Variants in ERO1A observed in about 807,000 individuals in gnomAD.
ERO1A encodes the protein endoplasmic reticulum oxidoreductase 1 alpha, also known as ERO1-like protein alpha.
A neutral mutation model predicts 76.9 loss-of-function variants in ERO1A; 49 were observed. That is an observed-to-expected ratio of 0.64 (90% CI 0.51 to 0.81). The LOEUF is 0.81. ERO1A is among the 30% of genes least tolerant of loss of function. The pLI is 0.00. For missense variants in ERO1A, 448 were observed against 542.1 expected, an observed-to-expected ratio of 0.83 and a Z score of 1.72; for synonymous variants, 174 against 181.2, an observed-to-expected ratio of 0.96 and a Z score of 0.32.
chr14:52,643,843 AT>A (rs2039554290), intron 15 of ERO1A, among the ~76,000 whole-genome samples: 2 of 152,364 alleles, frequency 1.3e-5, no homozygotes, highest in African/African-American at 4.8e-5. Flanking sequence ...TTTTAAAAGT[AT>A]TTAAATACAT....
In ERO1A at chr14:52,682,326, G is replaced by A; in HGVS notation, c.317C>T (p.Ser106Phe). ...RRDCAVKPCQSDEVPDGIKSA... is the reference protein window; with the variant it reads ...RRDCAVKPCQFDEVPDGIKSA... ...TTTAAATGTATACATGGTTCTTACAGATTGACATGGTTTGACAGCACAGTC... is the reference window on the plus strand; with the variant it reads ...TTTAAATGTATACATGGTTCTTACAAATTGACATGGTTTGACAGCACAGTC... The change falls in exon 3 of 16, where the codon TCT becomes TTT. Residue 106 changes from serine to phenylalanine, a missense_variant and splice_region_variant. This residue lies in a region of ERO1A where 146 missense variants were observed against 130.2 expected (regional missense o/e 1.12). Transcript: ENST00000395686. The A allele has an allele frequency of 1.2e-6, 2 of 1,600,294 alleles. No homozygotes were observed. Among genetic ancestry groups the A allele is most frequent in the Non-Finnish European group, 1.7e-6 (2 of 1,170,252 alleles).
rs928705085 is a variant in ERO1A at position 52,642,172 on chromosome 14, T to G, written c.*1398A>C. The G allele has an allele frequency of 6.6e-6, 1 of 152,132 alleles. No homozygotes were observed. The highest frequency in any genetic ancestry group is 6.5e-5 in the Admixed American group (1 of 15,274). 9.4% of individuals were successfully genotyped at this position (152,132 alleles called of 1,614,324 possible). On this transcript the variant is annotated 3_prime_UTR_variant, in exon 16 of 16. Transcript: ENST00000395686. The stretch of plus-strand genomic sequence containing the variant: ...AGCTTTATAAATGAAGAGCTTCCAC[T>G]AATGAAAACCTCCCAAAATTACAGT...
rs199984563 is a variant in ERO1A, at chr14:52,695,357, A to T, written c.114+11T>A. ...GCCGGGACCCTCAGCACCAACGCGC[A>T]CATCGCTCACCTGGCAGAAGCACCT... is the stretch of plus-strand genomic sequence containing the variant. On this transcript the variant is annotated intron_variant, in intron 1 of 15. Transcript: ENST00000395686. 6.5e-5 allele frequency: 93 copies of T among 1,430,688 alleles called. No individual in the cohort carries two copies. In the East Asian group the frequency reaches 2.4e-3, roughly 37 times the overall value. The allele number at this position is 1,430,688 out of a possible 1,614,324, so 88.6% of individuals were successfully genotyped here.
chr14:52,643,502 G>T lies in ERO1A; in HGVS notation c.*68C>A. On this transcript the variant is annotated 3_prime_UTR_variant, in exon 16 of 16. Transcript: ENST00000395686. ...GGCTTAAGACTGTCATTGCTATTAT[G>T]CCTTTGAATGAAATTCCACTCTTTC... The T allele has an allele frequency of 2.9e-6, 3 of 1,025,028 alleles. No homozygotes were observed. The highest frequency in any genetic ancestry group is 1.7e-5 in the African/African-American group (1 of 58,266). 63.5% of individuals were successfully genotyped at this position (1,025,028 alleles called of 1,614,324 possible). A position where few individuals can be genotyped will look rare whatever the true frequency, so the allele number is the denominator to read the frequency against.
At chr14:52,669,785 T>C (rs574404055) in intron 6 of ERO1A, among the ~76,000 whole-genome samples, 1 of 152,276 alleles carries the variant, frequency 6.6e-6, no homozygotes, top group South Asian at 2.1e-4. Flanking sequence ...TACCAAAACA[T>C]GGCTACGGTT....
At chr14:52,689,511 A>G (rs917398465) in intron 1 of ERO1A, among the ~76,000 whole-genome samples, 4 of 152,196 alleles carry the variant, frequency 2.6e-5, no homozygotes, top group Non-Finnish European at 5.9e-5. Flanking sequence ...TCCAAAAAAA[A>G]ATTAAGAAAA....
chr14:52,677,403 C>A (rs919151917), intron 4 of ERO1A, among the ~76,000 whole-genome samples: 7 of 152,072 alleles, frequency 4.6e-5, no homozygotes, highest in African/African-American at 1.4e-4. Context: ...CACTGACGGA[C>A]AGTCTACAAA....
chr14:52,691,388 A>C (rs2041349348), intron 1 of ERO1A, among the ~76,000 whole-genome samples: 1 of 152,198 alleles, frequency 6.6e-6, no homozygotes, highest in Non-Finnish European at 1.5e-5. Context: ...ACTGGCAACC[A>C]TCAGGAAAAT....
chr14:52,644,908 C>G (rs972151966), intron 15 of ERO1A, among the ~76,000 whole-genome samples: 2 of 152,008 alleles, frequency 1.3e-5, no homozygotes, highest in African/African-American at 4.8e-5. Flanking sequence ...TTATTTCAAG[C>G]CCAAAATTGT....
At chr14:52,683,945 C>G (rs2041085403) in intron 1 of ERO1A, 38 bp from the exon 2 acceptor site, 1 of 1,516,744 alleles carries the variant, frequency 6.6e-7, no homozygotes, top group African/African-American at 1.4e-5. Context: ...TTGAAATGTC[C>G]TAAATGCAAC....
intron 8 of ERO1A, among the ~76,000 whole-genome samples, chr14:52,663,268 T>A (rs1210647238): frequency 6.6e-6 from 1 of 152,150 alleles, no homozygotes; most frequent in African/African-American, 2.4e-5. Context: ...CTAATCTTTA[T>A]TTTTTGATAA....
At position 52,671,825 on chromosome 14, in the gene ERO1A, T is replaced by G; in HGVS notation, c.404A>C (p.Glu135Ala). 6.2e-7 allele frequency: 1 copy of G among 1,609,116 alleles called. No homozygotes were observed. The highest frequency in any genetic ancestry group is 8.5e-7 in the Non-Finnish European group (1 of 1,177,818). ...AGATTCATCCACTGCTCCAAGTCGTTCAGCTTGTTCACATTCTTCAATGAG... is the reference window on the plus strand; with the variant it reads ...AGATTCATCCACTGCTCCAAGTCGTGCAGCTTGTTCACATTCTTCAATGAG... ...NNLIEECEQA[E>A]RLGAVDESLS... The change falls in exon 5 of 16, where the codon GAA (glutamate) becomes GCA (alanine). Residue 135 changes from glutamate (E) to alanine (A), a missense_variant. Glu to Ala is a moderately radical substitution (Grantham distance 107). This residue lies in a region of ERO1A where 302 missense variants were observed against 411.9 expected (regional missense o/e 0.73). Coordinates refer to ENST00000395686, the MANE Select transcript of ERO1A (RefSeq NM_014584.3).
intron 9 of ERO1A, among the ~76,000 whole-genome samples, chr14:52,660,929 C>T (rs1378784815): frequency 1.3e-5 from 2 of 152,228 alleles, no homozygotes; most frequent in Non-Finnish European, 2.9e-5. Flanking sequence ...CAATACTCAT[C>T]ATGCCCAGAA....
At chr14:52,646,492 A>G in intron 13 of ERO1A, 31 bp from the exon 14 acceptor site, 1 of 1,521,898 alleles carries the variant, frequency 6.6e-7, no homozygotes, top group East Asian at 2.3e-5. Context: ...TTTTATTAAG[A>G]TGTAATATAC....
chr14:52,666,423 G>A lies in ERO1A; in HGVS notation c.581C>T (p.Pro194Leu). The A allele has an allele frequency of 6.2e-7, 1 of 1,610,508 alleles. No homozygotes were observed. Among genetic ancestry groups the A allele is most frequent in the Non-Finnish European group, 8.5e-7 (1 of 1,178,086 alleles). ...GACATTCCATATTTTCCAAGCATCT[G>A]GTCCCTTGTAACCAGTGTAGCGCTC... is the stretch of plus-strand genomic sequence containing the variant. ...NPERYTGYKG[P>L]DAWKIWNVIY... The change falls in exon 7 of 16, where the codon CCA becomes CTA. Residue 194 changes from proline to leucine, a missense_variant. By Grantham distance (98) the Pro-to-Leu change is moderately conservative. Coordinates refer to ENST00000395686, the MANE Select transcript of ERO1A (RefSeq NM_014584.3).
chr14:52,648,077 A>G (rs1237715495), intron 13 of ERO1A, among the ~76,000 whole-genome samples: 1 of 152,234 alleles, frequency 6.6e-6, no homozygotes, highest in Non-Finnish European at 1.5e-5. Context: ...AATAGGATCT[A>G]AGATGTAATA....
At chr14:52,681,449 C>T (rs2040990982) in intron 3 of ERO1A, among the ~76,000 whole-genome samples, 1 of 151,612 alleles carries the variant, frequency 6.6e-6, no homozygotes. Flanking sequence ...ACTAAAAATA[C>T]AAAATTAGCT....
At chr14:52,666,334 C>A in intron 7 of ERO1A, 41 bp downstream of exon 7, 3 of 1,406,444 alleles carry the variant, frequency 2.1e-6, no homozygotes, top group African/African-American at 1.5e-5. Flanking sequence ...GAGAAATCAC[C>A]ACATCTTATA....
At chr14:52,675,624 T>C (rs1248089017) in intron 4 of ERO1A, among the ~76,000 whole-genome samples, 1 of 152,158 alleles carries the variant, frequency 6.6e-6, no homozygotes, top group African/African-American at 2.4e-5. Flanking sequence ...GTAGTAATAA[T>C]TGCAATTTGC....
Sources: gnomAD v4.1 joint callset for allele counts (sites outside exome capture counted in the v4.1 genomes callset) on GRCh38, gnomAD v4.1.1 for gene constraint, gnomAD v4.1.1 regional missense constraint, MANE v1.5 for transcripts, NCBI Gene and HGNC (gene_info 2026-07-23, HGNC 2026-07-21) for gene names.